RPS6KA2: variants seen among roughly 807,000 people sequenced by gnomAD.
RPS6KA2 encodes ribosomal protein S6 kinase alpha-2.
Under a neutral mutation model 91.8 loss-of-function variants are expected in RPS6KA2, and 42 were observed. The observed-to-expected ratio is 0.46, with a 90% CI of 0.36 to 0.59. The LOEUF is 0.59. Ranked by LOEUF, RPS6KA2 falls within the 20% of genes least tolerant of loss-of-function variation. The pLI, the probability that RPS6KA2 is intolerant of heterozygous loss-of-function variation, is 0.00. For synonymous variants in RPS6KA2, 414 were observed against 393.6 expected (o/e 1.05, Z -0.61); for missense variants, 798 against 978.5 (o/e 0.82, Z 2.46).
At chr6:166,586,922 C>T (rs762126922) in intron 1 of RPS6KA2, among the ~76,000 whole-genome samples, 1 of 152,236 alleles carries the variant, frequency 6.6e-6, no homozygotes, top group Admixed American at 6.5e-5. Flanking sequence ...TTACCCAGCC[C>T]TCCTTGCAGG....
intron 2 of RPS6KA2, among the ~76,000 whole-genome samples, chr6:166,790,993 G>C (rs1433144217): frequency 2.0e-5 from 3 of 152,096 alleles, no homozygotes; most frequent in Admixed American, 1.3e-4. Context: ...ATAATGACAG[G>C]ACCAAATTCA....
chr6:166,522,173 G>A (rs16899058), intron 3 of RPS6KA2, among the ~76,000 whole-genome samples: 6,788 of 152,288 alleles, frequency 0.045, 473 homozygotes, highest in African/African-American at 0.15. Context: ...GACACGTATC[G>A]TATCATATTA....
chr6:166,721,765 C>T (rs1562401027), intron 2 of RPS6KA2, among the ~76,000 whole-genome samples: 2 of 152,200 alleles, frequency 1.3e-5, no homozygotes, highest in Non-Finnish European at 2.9e-5. Flanking sequence ...GAAGCTCCCG[C>T]CCCACCTTGC....
intron 2 of RPS6KA2, among the ~76,000 whole-genome samples, chr6:166,773,468 C>A (rs1019300070): frequency 5.3e-5 from 8 of 152,006 alleles, no homozygotes; most frequent in Non-Finnish European, 2.9e-5. Flanking sequence ...GTAGTGCAGT[C>A]TTGGCTCACT....
At chr6:166,538,932 G>GTTT (rs1338843658) in intron 1 of RPS6KA2, 148 bp from the exon 2 acceptor site, 262 of 493,162 alleles carry the variant, frequency 5.3e-4, no homozygotes, top group African/African-American at 4.6e-3. Context: ...ATTTAGTTGT[G>GTTT]TTTTTTTCTT....
At chr6:166,567,785 G>A (rs1784546765) in intron 1 of RPS6KA2, among the ~76,000 whole-genome samples, 1 of 152,176 alleles carries the variant, frequency 6.6e-6, no homozygotes, top group Non-Finnish European at 1.5e-5. Context: ...CCCATGGAAC[G>A]AGCTGAATTA....
At chr6:166,468,032 G>A (rs912499036) in intron 11 of RPS6KA2, among the ~76,000 whole-genome samples, 3 of 152,282 alleles carry the variant, frequency 2.0e-5, no homozygotes, top group Non-Finnish European at 4.4e-5. Flanking sequence ...GCACAGTGCT[G>A]TGCTAACCAT....
chr6:166,619,289 G>T (rs775284336), intron 1 of RPS6KA2, among the ~76,000 whole-genome samples: 7 of 152,236 alleles, frequency 4.6e-5, no homozygotes. Context: ...CCCGCAGCCC[G>T]TCTGTTCAGT....
chr6:166,793,124 A>C (rs935488612), intron 2 of RPS6KA2, among the ~76,000 whole-genome samples: 5 of 152,196 alleles, frequency 3.3e-5, no homozygotes, highest in African/African-American at 1.2e-4. Flanking sequence ...TCAGCCCAAA[A>C]TCTCCTTAAG....
chr6:166,745,441 T>C (rs117676946), intron 2 of RPS6KA2, among the ~76,000 whole-genome samples: 2,196 of 152,276 alleles, frequency 0.014, 19 homozygotes, highest in East Asian at 0.033. Context: ...TGTGAGCCAC[T>C]GCACCCGGCC....
chr6:166,862,103 C>G, intron 1 of RPS6KA2: 1 of 1,614,230 alleles, frequency 6.2e-7, no homozygotes, highest in Non-Finnish European at 8.5e-7. Context: ...CTCTCCTGCA[C>G]TCACCTCTAT....
intron 2 of RPS6KA2, among the ~76,000 whole-genome samples, chr6:166,851,910 CAAAT>C (rs1780754904): frequency 6.6e-6 from 1 of 152,192 alleles, no homozygotes; most frequent in African/African-American, 2.4e-5. Flanking sequence ...TGGATTCTTG[CAAAT>C]AATTACCACT....
At chr6:166,526,715 A>T (rs772230284) in intron 3 of RPS6KA2, among the ~76,000 whole-genome samples, 58 of 152,240 alleles carry the variant, frequency 3.8e-4, no homozygotes, top group Non-Finnish European at 7.1e-4. Context: ...AAAATATTTT[A>T]AAAATAACTT....
At chr6:166,487,396 T>C (rs1481964445) in intron 10 of RPS6KA2, among the ~76,000 whole-genome samples, 1 of 152,132 alleles carries the variant, frequency 6.6e-6, no homozygotes, top group African/African-American at 2.4e-5. Flanking sequence ...CCTGCTCTCC[T>C]GGTAGCCACG....
intron 1 of RPS6KA2, among the ~76,000 whole-genome samples, chr6:166,591,209 T>C (rs1033005461): frequency 6.6e-6 from 1 of 152,092 alleles, no homozygotes; most frequent in African/African-American, 2.4e-5. Context: ...AAACACACCC[T>C]CCACGGGAGG....
chr6:166,772,181 C>G (rs2128607151), intron 2 of RPS6KA2, among the ~76,000 whole-genome samples: 1 of 152,338 alleles, frequency 6.6e-6, no homozygotes, highest in East Asian at 1.9e-4. Flanking sequence ...TTCTCCCCTC[C>G]TGGCAAGCAC....
At chr6:166,588,235 CA>C (rs3839529) in intron 1 of RPS6KA2, among the ~76,000 whole-genome samples, 22,982 of 152,158 alleles carry the variant, frequency 0.15, 1,771 homozygotes, top group South Asian at 0.21. Context: ...TCCACAAAGT[CA>C]GCTTCACATT....
At chr6:166,451,648 C>T (rs1779921474) in intron 12 of RPS6KA2, among the ~76,000 whole-genome samples, 1 of 152,180 alleles carries the variant, frequency 6.6e-6, no homozygotes, top group South Asian at 2.1e-4. Context: ...AATCCTGTAT[C>T]CTTAGCTTCT....
intron 12 of RPS6KA2, among the ~76,000 whole-genome samples, chr6:166,457,878 C>T (rs552904946): frequency 3.2e-4 from 48 of 152,224 alleles, no homozygotes; most frequent in South Asian, 1.7e-3. Context: ...TATTTGTTTC[C>T]CGATTATCTT....
Sources: gnomAD v4.1 joint callset for allele counts (sites outside exome capture counted in the v4.1 genomes callset) on GRCh38, gnomAD v4.1.1 for gene constraint, MANE v1.5 for transcripts, NCBI Gene and HGNC (gene_info 2026-07-23, HGNC 2026-07-21) for gene names.